Variants in DLG2 observed in about 807,000 individuals in gnomAD.
The protein encoded by DLG2 is discs large MAGUK scaffold protein 2, also known as disks large homolog 2.
DLG2 carries 45 observed loss-of-function variants against 132.5 expected under a neutral mutation model. The ratio of observed to expected loss-of-function variants is 0.34; its 90% CI spans 0.27 to 0.44. The LOEUF is 0.44. Ranked by LOEUF, DLG2 falls within the 20% of genes least tolerant of loss-of-function variation. The pLI, the probability that DLG2 is intolerant of heterozygous loss-of-function variation, is 1.00. For synonymous variants in DLG2, 424 were observed against 419.6 expected (o/e 1.01, Z -0.13); for missense variants, 1,045 against 1,196.9 (o/e 0.87, Z 1.87).
At chr11:83,477,997 C>T (rs1348800704) in intron 22 of DLG2, among the ~76,000 whole-genome samples, 1 of 152,084 alleles carries the variant, frequency 6.6e-6, no homozygotes, top group African/African-American at 2.4e-5. Flanking sequence ...ACCTCTTATG[C>T]TCCCACTATT....
intron 19 of DLG2, among the ~76,000 whole-genome samples, chr11:83,621,280 T>C (rs1364603395): frequency 6.6e-6 from 1 of 152,162 alleles, no homozygotes; most frequent in Admixed American, 6.5e-5. Flanking sequence ...TTTTTCTTAA[T>C]TGTAATGTTG....
intron 9 of DLG2, among the ~76,000 whole-genome samples, chr11:84,144,371 G>A (rs1485902330): frequency 6.6e-6 from 1 of 152,068 alleles, no homozygotes; most frequent in Non-Finnish European, 1.5e-5. Flanking sequence ...TACTCTTCCA[G>A]ATACAGGGTT....
intron 6 of DLG2, among the ~76,000 whole-genome samples, chr11:84,781,187 T>G (rs1213054966): frequency 1.3e-5 from 2 of 151,982 alleles, no homozygotes; most frequent in Admixed American, 1.3e-4. Flanking sequence ...GAATGTAAGT[T>G]AGTGTCACAA....
intron 6 of DLG2, among the ~76,000 whole-genome samples, chr11:84,622,235 A>T (rs1456823849): frequency 1.3e-5 from 2 of 152,156 alleles, no homozygotes; most frequent in African/African-American, 2.4e-5. Flanking sequence ...TTTTGGAAGT[A>T]CCTTTATCCT....
chr11:84,795,401 A>G (rs1431264613), intron 6 of DLG2, among the ~76,000 whole-genome samples: 2 of 150,088 alleles, frequency 1.3e-5, no homozygotes, highest in African/African-American at 4.9e-5. Flanking sequence ...TTGACACGAC[A>G]CCTTGTCTGT....
At chr11:84,777,583 C>G (rs1181982006) in intron 6 of DLG2, among the ~76,000 whole-genome samples, 2 of 151,476 alleles carry the variant, frequency 1.3e-5, no homozygotes, top group African/African-American at 4.8e-5. Flanking sequence ...TATAAGAGTT[C>G]CCTTTTATTT....
At chr11:84,336,227 G>T (rs1406636035) in intron 7 of DLG2, among the ~76,000 whole-genome samples, 1 of 152,170 alleles carries the variant, frequency 6.6e-6, no homozygotes, top group Admixed American at 6.5e-5. Context: ...TAAAACCAGA[G>T]AAAATAAATA....
intron 3 of DLG2, among the ~76,000 whole-genome samples, chr11:85,308,814 T>C (rs1250413280): frequency 1.3e-5 from 2 of 152,216 alleles, no homozygotes; most frequent in African/African-American, 4.8e-5. Context: ...TATTTAATAT[T>C]CCTTATATGG....
rs555914343 is a variant in DLG2 at position 84,340,137 on chromosome 11, T to C, written c.520-88846A>G. ...CAGGAGAGTCTGGTTTATTTGCTAA[T>C]TGGTAGTATCTAAAGAAGGCAATAT... On this transcript the variant is annotated intron_variant, in intron 7 of 27. Transcript: ENST00000376104. Among the ~76,000 whole-genome samples the C allele has an allele frequency of 3.1e-4, 47 of 152,280 alleles. 1 individual carries two copies. Among genetic ancestry groups the C allele is most frequent in the Non-Finnish European group, 1.0e-4 (7 of 68,024 alleles).
intron 3 of DLG2, among the ~76,000 whole-genome samples, chr11:85,576,692 A>G (rs1235222982): frequency 6.6e-6 from 1 of 152,194 alleles, no homozygotes; most frequent in Non-Finnish European, 1.5e-5. Context: ...AAGTGTTAGG[A>G]TTAAAAGAGT....
intron 3 of DLG2, among the ~76,000 whole-genome samples, chr11:85,351,125 A>T (rs908183338): frequency 6.6e-6 from 1 of 152,156 alleles, no homozygotes; most frequent in Non-Finnish European, 1.5e-5. Flanking sequence ...GGTCCTTCAC[A>T]TCCCATGTAA....
intron 6 of DLG2, among the ~76,000 whole-genome samples, chr11:84,699,455 T>C (rs2058974430): frequency 6.6e-6 from 1 of 151,544 alleles, no homozygotes; most frequent in South Asian, 2.1e-4. Flanking sequence ...ATGAGCTGTA[T>C]GGTGAGGGGA....
intron 3 of DLG2, among the ~76,000 whole-genome samples, chr11:85,529,134 T>C (rs1264151881): frequency 1.3e-5 from 2 of 152,216 alleles, no homozygotes; most frequent in African/African-American, 4.8e-5. Context: ...ACACAATTGT[T>C]GAGAGGTCGT....
chr11:84,678,196 T>C (rs2099719379), intron 6 of DLG2, among the ~76,000 whole-genome samples: 1 of 152,090 alleles, frequency 6.6e-6, no homozygotes, highest in South Asian at 2.1e-4. Flanking sequence ...TCTTCCTTTC[T>C]CTCAGACTAT....
intron 7 of DLG2, among the ~76,000 whole-genome samples, chr11:84,256,864 C>A (rs1234231246): frequency 6.6e-6 from 1 of 152,034 alleles, no homozygotes; most frequent in Non-Finnish European, 1.5e-5. Flanking sequence ...GTGGAGATCC[C>A]AGAACCTCAA....
chr11:84,067,239 C>T (rs2096688292), intron 10 of DLG2, among the ~76,000 whole-genome samples: 1 of 151,988 alleles, frequency 6.6e-6, no homozygotes, highest in Admixed American at 6.6e-5. Flanking sequence ...GAGGCTGAGG[C>T]AGGAGAATCG....
intron 3 of DLG2, among the ~76,000 whole-genome samples, chr11:85,290,088 T>A (rs1199808806): frequency 6.6e-6 from 1 of 152,146 alleles, no homozygotes; most frequent in African/African-American, 2.4e-5. Flanking sequence ...TTGGTAATTT[T>A]CATTTACTTG....
At chr11:85,282,498 T>C (rs1241422009) in intron 4 of DLG2, among the ~76,000 whole-genome samples, 2 of 102,994 alleles carry the variant, frequency 1.9e-5, no homozygotes, top group Admixed American at 2.2e-4. Context: ...TATGTATCCA[T>C]AATAATTAAA....
intron 11 of DLG2, among the ~76,000 whole-genome samples, chr11:84,014,230 T>G (rs1202565637): frequency 1.3e-5 from 2 of 152,136 alleles, no homozygotes; most frequent in Non-Finnish European, 2.9e-5. Context: ...TTCTATAAAA[T>G]GTAAGGTGAA....
Sources: gnomAD v4.1 joint callset for allele counts (sites outside exome capture counted in the v4.1 genomes callset) on GRCh38, gnomAD v4.1.1 for gene constraint, MANE v1.5 for transcripts, NCBI Gene and HGNC (gene_info 2026-07-23, HGNC 2026-07-21) for gene names.